SYT13: variants seen among roughly 807,000 people sequenced by gnomAD.
The protein encoded by SYT13 is synaptotagmin-13.
Under a neutral mutation model 38.6 loss-of-function variants are expected in SYT13, and 21 were observed. The ratio of observed to expected loss-of-function variants is 0.54; its 90% CI spans 0.39 to 0.78. The LOEUF is 0.78. Among genes scored for constraint, SYT13 ranks in the 30% least tolerant of loss-of-function variants. The pLI, the probability that SYT13 is intolerant of heterozygous loss-of-function variation, is 0.00. For synonymous variants in SYT13, 241 were observed against 237.6 expected (o/e 1.01, Z -0.13); for missense variants, 495 against 548.7 (o/e 0.90, Z 0.98).
intron 1 of SYT13, among the ~76,000 whole-genome samples, chr11:45,280,381 G>C (rs901907871): frequency 6.6e-6 from 1 of 152,034 alleles, no homozygotes; most frequent in Non-Finnish European, 1.5e-5. Context: ...AACACAAAAA[G>C]GAGGCTCATG....
At chr11:45,271,148 C>A (rs1854944620) in intron 1 of SYT13, among the ~76,000 whole-genome samples, 1 of 152,190 alleles carries the variant, frequency 6.6e-6, no homozygotes, top group South Asian at 2.1e-4. Flanking sequence ...TTCTTTCCTG[C>A]TGAGCTCAGA....
At chr11:45,270,888 T>C (rs1257927537) in intron 1 of SYT13, among the ~76,000 whole-genome samples, 1 of 152,234 alleles carries the variant, frequency 6.6e-6, no homozygotes, top group African/African-American at 2.4e-5. Flanking sequence ...TCTCCTTATA[T>C]ATTGGTTTTA....
intron 4 of SYT13, among the ~76,000 whole-genome samples, chr11:45,249,984 C>T (rs1487790821): frequency 6.6e-6 from 1 of 152,152 alleles, no homozygotes; most frequent in Non-Finnish European, 1.5e-5. Flanking sequence ...TATCTTCCAG[C>T]TAGAACTGGG....
intron 1 of SYT13, among the ~76,000 whole-genome samples, chr11:45,270,999 C>G (rs573403833): frequency 6.6e-6 from 1 of 152,204 alleles, no homozygotes; most frequent in Admixed American, 6.5e-5. Flanking sequence ...ATGGGAGACA[C>G]AGGAGTAAGT....
intron 4 of SYT13, among the ~76,000 whole-genome samples, chr11:45,248,324 G>A (rs1854637181): frequency 6.6e-6 from 1 of 152,146 alleles, no homozygotes. Flanking sequence ...CCAGCACCTG[G>A]GACACAGTGG....
intron 1 of SYT13, among the ~76,000 whole-genome samples, chr11:45,282,259 C>T (rs764835929): frequency 3.3e-5 from 5 of 152,070 alleles, no homozygotes; most frequent in East Asian, 1.9e-4. Flanking sequence ...GAGTGGGCGG[C>T]GTAGTAAAAC....
intron 1 of SYT13, among the ~76,000 whole-genome samples, chr11:45,267,822 G>C (rs914430389): frequency 6.6e-6 from 1 of 152,186 alleles, no homozygotes; most frequent in Non-Finnish European, 1.5e-5. Context: ...AATCCACCTT[G>C]AAGAGGAGGC....
intron 1 of SYT13, among the ~76,000 whole-genome samples, chr11:45,271,937 A>C (rs992968693): frequency 1.3e-5 from 2 of 152,258 alleles, no homozygotes; most frequent in Non-Finnish European, 2.9e-5. Context: ...AAGACTTGGA[A>C]TCAACCCAAG....
chr11:45,279,502 A>T lies in SYT13; in HGVS notation c.183+6523T>A, dbSNP rs972609589. Among the ~76,000 whole-genome samples the T allele has an allele frequency of 2.6e-5, 4 of 152,122 alleles. No individual in the cohort carries two copies. In the East Asian group the frequency reaches 7.7e-4, roughly 29 times the overall value. ...CTTGGGAGGCTGAGGTGGGAGGATCACTTGAGCTCAGAAGATCGAGGCAGC... is the reference window on the plus strand; with the variant it reads ...CTTGGGAGGCTGAGGTGGGAGGATCTCTTGAGCTCAGAAGATCGAGGCAGC... On this transcript the variant is annotated intron_variant, in intron 1 of 5. Transcript: ENST00000020926.
At chr11:45,263,930 A>G (rs1456183979) in intron 1 of SYT13, among the ~76,000 whole-genome samples, 1 of 152,030 alleles carries the variant, frequency 6.6e-6, no homozygotes, top group Admixed American at 6.6e-5. Flanking sequence ...AGATAAGATA[A>G]CTCACGCAGA....
intron 3 of SYT13, 89 bp downstream of exon 3, chr11:45,254,181 C>T (rs1854713504): frequency 6.9e-7 from 1 of 1,450,492 alleles, no homozygotes; most frequent in Middle Eastern, 2.3e-4. Context: ...AGTGCTCTCT[C>T]CAGCTGCAGA....
chr11:45,278,159 T>C (rs973127618), intron 1 of SYT13, among the ~76,000 whole-genome samples: 1 of 152,248 alleles, frequency 6.6e-6, no homozygotes, highest in Non-Finnish European at 1.5e-5. Flanking sequence ...TACATACGTA[T>C]AGAATCTCTT....
At chr11:45,281,790 C>A (rs1367799213) in intron 1 of SYT13, among the ~76,000 whole-genome samples, 1 of 152,204 alleles carries the variant, frequency 6.6e-6, no homozygotes, top group African/African-American at 2.4e-5. Context: ...ACCTCTCTGG[C>A]ATTTGAAAAG....
intron 1 of SYT13, among the ~76,000 whole-genome samples, chr11:45,283,937 A>G (rs1236111974): frequency 6.6e-6 from 1 of 152,264 alleles, no homozygotes; most frequent in Non-Finnish European, 1.5e-5. Flanking sequence ...AAAGAGTGCC[A>G]TAAAAGGATT....
At chr11:45,262,679 T>C (rs1854832084) in intron 1 of SYT13, among the ~76,000 whole-genome samples, 1 of 148,404 alleles carries the variant, frequency 6.7e-6, no homozygotes, top group African/African-American at 2.5e-5. Context: ...TGAGCCGAGA[T>C]TGCACTGTTG....
At position 45,255,782 on chromosome 11, in the gene SYT13, G is replaced by T. The variant is rs1313361779; in HGVS notation, c.293C>A (p.Ala98Glu). ...CTCCGTAGACCTCAGTGAATAGTCT[G>T]CATAGTTGATGACCTCTGGAGCCGT... Reference protein sequence around the residue: ...AVTAPEVINYADYSLRSTEEP... With the variant: ...AVTAPEVINYEDYSLRSTEEP... Residue 98 changes from alanine (A) to glutamate (E), a missense_variant, in exon 2 of 6, where the codon GCA (alanine) becomes GAA (glutamate). Physicochemically the swap from Ala to Glu is moderately radical, Grantham distance 107. Coordinates refer to ENST00000020926, the MANE Select transcript of SYT13 (RefSeq NM_020826.3). 6.2e-7 allele frequency: 1 copy of T among 1,614,210 alleles called. No homozygotes were observed.
chr11:45,284,250 T>G (rs1166742162), intron 1 of SYT13, among the ~76,000 whole-genome samples: 1 of 152,204 alleles, frequency 6.6e-6, no homozygotes, highest in Non-Finnish European at 1.5e-5. Flanking sequence ...GCTAATAGTG[T>G]GGCCACCAGA....
chr11:45,260,667 G>T (rs932826761), intron 1 of SYT13, among the ~76,000 whole-genome samples: 1 of 152,226 alleles, frequency 6.6e-6, no homozygotes, highest in Non-Finnish European at 1.5e-5. Context: ...TTCCAGTGGA[G>T]ACAGGCATTC....
chr11:45,262,064 T>A (rs1050319530), intron 1 of SYT13, among the ~76,000 whole-genome samples: 1 of 152,164 alleles, frequency 6.6e-6, no homozygotes, highest in African/African-American at 2.4e-5. Context: ...GGTGAAGCAA[T>A]CCAAATATCT....
Sources: gnomAD v4.1 joint callset for allele counts (sites outside exome capture counted in the v4.1 genomes callset) on GRCh38, gnomAD v4.1.1 for gene constraint, MANE v1.5 for transcripts, NCBI Gene and HGNC (gene_info 2026-07-23, HGNC 2026-07-21) for gene names.